MOCS1: variants seen among roughly 807,000 people sequenced by gnomAD.
MOCS1 encodes the protein molybdenum cofactor synthesis 1, also known as molybdenum cofactor biosynthesis protein 1.
In MOCS1, 39 loss-of-function variants were observed where a neutral mutation model predicts 57.6. The ratio of observed to expected loss-of-function variants is 0.68; its 90% confidence interval spans 0.52 to 0.88. The LOEUF (loss-of-function observed/expected upper bound fraction) is 0.88. Among genes scored for constraint, MOCS1 ranks in the 40% least tolerant of loss-of-function variants. MOCS1 has a pLI of 0.00. For synonymous variants in MOCS1, 334 were observed against 335.7 expected, an observed-to-expected ratio of 1.00 and a Z score of 0.05; for missense variants, 795 against 831.1, an observed-to-expected ratio of 0.96 and a Z score of 0.53.
At chr6:39,907,341 AG>A (rs1217756847) in intron 10 of MOCS1, among the ~76,000 whole-genome samples, 1 of 152,050 alleles carries the variant, frequency 6.6e-6, no homozygotes, top group East Asian at 1.9e-4. Flanking sequence ...AGTGATGTAC[AG>A]GGTAACAGCC....
At chr6:39,910,131 T>C (rs1161682433) in intron 8 of MOCS1, among the ~76,000 whole-genome samples, 176 bp from the exon 9 acceptor site, 2 of 152,200 alleles carry the variant, frequency 1.3e-5, no homozygotes, top group Admixed American at 1.3e-4. Flanking sequence ...TCAGAGAGGC[T>C]AGAAGAGCAA....
chr6:39,914,998 A>C (rs1263432665), intron 4 of MOCS1, among the ~76,000 whole-genome samples: 1 of 151,934 alleles, frequency 6.6e-6, no homozygotes, highest in African/African-American at 2.4e-5. Context: ...CATTGATTGA[A>C]ACCCTCCAGT....
rs758495158 is a variant in MOCS1 at position 39,927,390 on chromosome 6, G to A, written c.189C>T (p.Asp63=). The part of the protein sequence containing the change: ...HAAPFSAFLT[D]SFGRQHSYLR... The stretch of plus-strand genomic sequence containing the variant: ...GGTAGCTGTGCTGCCGGCCGAAGCT[G>A]TCTGTGAGGAAGGCGGAGAAGGGGG... Residue 63 remains aspartate, a synonymous_variant, in exon 2 of 11, where the codon GAC becomes GAT. Coordinates refer to ENST00000340692, the MANE Select transcript of MOCS1 (RefSeq NM_001358530.2). The A allele has an allele frequency of 6.2e-7, 1 of 1,612,778 alleles. No homozygotes were observed. The highest frequency in any genetic ancestry group is 2.2e-5 in the East Asian group (1 of 44,876).
intron 1 of MOCS1, chr6:39,927,816 G>A: frequency 7.9e-7 from 1 of 1,266,406 alleles, no homozygotes. Context: ...ATGGTCTCGG[G>A]CATAAATGAG....
At position 39,913,013 on chromosome 6, in the gene MOCS1, G is replaced by A. The variant is rs368402544; in HGVS notation, c.758-9C>T. 4.4e-5 allele frequency: 71 copies of A among 1,611,784 alleles called. No homozygotes were observed. The highest frequency in any genetic ancestry group is 3.3e-4 in the African/African-American group (25 of 74,950). On this transcript the variant is annotated splice_polypyrimidine_tract_variant and intron_variant, in intron 6 of 10. Coordinates refer to ENST00000340692, the MANE Select transcript of MOCS1 (RefSeq NM_001358530.2). ...GAAGTTCCACTTGTTGCCTGTATTC[G>A]GGATGGGGGAAGGCAAGGGGAGCTT...
intron 3 of MOCS1, among the ~76,000 whole-genome samples, chr6:39,917,782 C>G (rs1270920037): frequency 6.6e-6 from 1 of 151,844 alleles, no homozygotes; most frequent in Non-Finnish European, 1.5e-5. Context: ...GAAAATAAAC[C>G]AAGAAAAAAC....
chr6:39,919,200 G>A (rs1767827100), intron 3 of MOCS1, among the ~76,000 whole-genome samples: 1 of 152,144 alleles, frequency 6.6e-6, no homozygotes, highest in Admixed American at 6.5e-5. Context: ...AAAGTCAACT[G>A]GAGGCCAGGC....
chr6:39,913,268 G>A (rs1767447563), intron 6 of MOCS1, 49 bp downstream of exon 6: 1 of 1,522,828 alleles, frequency 6.6e-7, no homozygotes, highest in East Asian at 2.3e-5. Context: ...TATGCGACCT[G>A]CAGGCCCAAC....
chr6:39,934,214 G>C, intron 1 of MOCS1, 81 bp downstream of exon 1: 1 of 1,448,068 alleles, frequency 6.9e-7, no homozygotes, highest in Non-Finnish European at 9.1e-7. Flanking sequence ...CAGATAGGCC[G>C]GGAGCTACTG....
chr6:39,925,790 C>G lies in MOCS1; in HGVS notation c.306G>C (p.Leu102=), dbSNP rs374895706. The G allele has an allele frequency of 9.6e-5, 155 of 1,612,842 alleles. No individual in the cohort carries two copies. The highest frequency in any genetic ancestry group is 1.7e-4 in the Middle Eastern group (1 of 6,060). ...GVPLTPKANL[L]TTEEILTLAR... is the part of the protein sequence containing the mutation. Reference sequence around the variant, plus strand: ...CGAGGGTCAGGATCTCCTCTGTGGTCAGCAGGTTGGCTTTGGGGGTCAGCG... The same window carrying G: ...CGAGGGTCAGGATCTCCTCTGTGGTGAGCAGGTTGGCTTTGGGGGTCAGCG... Residue 102 remains leucine, a synonymous_variant, in exon 3 of 11, where the codon CTG becomes CTC. Coordinates refer to ENST00000340692, the MANE Select transcript of MOCS1 (RefSeq NM_001358530.2).
At chr6:39,927,183 C>A in intron 2 of MOCS1, 146 bp downstream of exon 2, 1 of 1,010,766 alleles carries the variant, frequency 9.9e-7, no homozygotes, top group South Asian at 1.6e-5. Context: ...CTGAAGCCCA[C>A]CTGGCCTGGT....
intron 1 of MOCS1, 184 bp from the exon 2 acceptor site, chr6:39,927,639 A>C (rs1192304124): frequency 6.3e-7 from 1 of 1,589,932 alleles, no homozygotes; most frequent in Non-Finnish European, 8.5e-7. Flanking sequence ...AATCAGCTTG[A>C]TGGGAAGGAC....
chr6:39,929,100 A>G (rs538763124), intron 1 of MOCS1, among the ~76,000 whole-genome samples: 1 of 152,280 alleles, frequency 6.6e-6, no homozygotes, highest in South Asian at 2.1e-4. Context: ...GTATGTGTGA[A>G]GCTGCTCTTG....
In MOCS1 at chr6:39,904,961, C is replaced by G. The variant is rs564371303; in HGVS notation, c.*1396G>C. The stretch of plus-strand genomic sequence containing the variant: ...CCAGCTTGTACCAGCTCTGTGAGAA[C>G]CAATTGTTTACATTTTCAGAAATTT... On this transcript the variant is annotated 3_prime_UTR_variant, in exon 11 of 11. Transcript: ENST00000340692. 3.5e-4 allele frequency: 157 copies of G among 453,744 alleles called. No homozygotes were observed. The highest frequency in any genetic ancestry group is 6.4e-4 in the Non-Finnish European group (146 of 226,800). The allele number at this position is 453,744 out of a possible 1,614,324, so 28.1% of individuals were successfully genotyped here.
Position 39,905,433 on chromosome 6 carries a change from GGATTGATTGATT to G in MOCS1, c.*912_*923del, listed in dbSNP as rs3839624. ...CCTCAGGGAACTGTGTCTTGGGATAGGATTGATTGATTGATTGATAGGTGCAGCCTTCCCTGT... is the reference window on the plus strand; with the variant it reads ...CCTCAGGGAACTGTGTCTTGGGATAGGATTGATAGGTGCAGCCTTCCCTGT... On this transcript the variant is annotated 3_prime_UTR_variant, in exon 11 of 11. Transcript: ENST00000340692. 1 of 470,516 alleles carries G rather than the reference GGATTGATTGATT, an allele frequency of 2.1e-6. No individual in the cohort carries two copies. Among genetic ancestry groups the G allele is most frequent in the Admixed American group, 2.3e-5 (1 of 42,568 alleles). The allele number at this position is 470,516 out of a possible 1,614,324, so 29.1% of individuals were successfully genotyped here.
intron 4 of MOCS1, among the ~76,000 whole-genome samples, chr6:39,914,755 A>G (rs1767557674): frequency 6.6e-6 from 1 of 152,190 alleles, no homozygotes; most frequent in African/African-American, 2.4e-5. Context: ...TGCTAGGATA[A>G]CCTAGAACTA....
intron 1 of MOCS1, 76 bp from the exon 2 acceptor site, chr6:39,927,531 C>T: frequency 6.2e-7 from 1 of 1,611,316 alleles, no homozygotes; most frequent in South Asian, 1.1e-5. Flanking sequence ...AACCGCCTGC[C>T]CCCTCCCTTA....
chr6:39,930,852 C>G (rs1049581620), intron 1 of MOCS1, among the ~76,000 whole-genome samples: 10 of 152,158 alleles, frequency 6.6e-5, no homozygotes, highest in African/African-American at 2.4e-4. Flanking sequence ...GAGCAAGTCA[C>G]CTAAATTCTC....
intron 10 of MOCS1, 43 bp from the exon 11 acceptor site, chr6:39,907,160 G>C (rs748194027): frequency 6.4e-7 from 1 of 1,566,486 alleles, no homozygotes; most frequent in Non-Finnish European, 8.6e-7. Context: ...AAGTCCAAAA[G>C]GCAATTCTTT....
Sources: gnomAD v4.1 joint callset for allele counts (sites outside exome capture counted in the v4.1 genomes callset) on GRCh38, gnomAD v4.1.1 for gene constraint, MANE v1.5 for transcripts, NCBI Gene and HGNC (gene_info 2026-07-23, HGNC 2026-07-21) for gene names.